The following CSNK2A2 variants were observed in gnomAD, a reference collection of about 807,000 sequenced individuals.
CSNK2A2 encodes the protein casein kinase II subunit alpha'.
Under a neutral mutation model 54.0 loss-of-function variants are expected in CSNK2A2, and 8 were observed. The observed-to-expected ratio is 0.15, with a 90% CI of 0.09 to 0.27. The LOEUF is 0.27. Among genes scored for constraint, CSNK2A2 ranks in the 10% least tolerant of loss-of-function variants. The probability of loss-of-function intolerance (pLI) is 1.00; values close to 1 mark genes in which losing one functional copy is unlikely to be tolerated. For missense variants in CSNK2A2, 242 were observed against 439.4 expected, an observed-to-expected ratio of 0.55 and a Z score of 4.02; for synonymous variants, 141 against 153.9, an observed-to-expected ratio of 0.92 and a Z score of 0.62.
At position 58,197,977 on chromosome 16, in the gene CSNK2A2, G is replaced by GGCGCTC. The variant is rs1962521420; in HGVS notation, c.-247_-242dup. On this transcript the variant is annotated 5_prime_UTR_variant, in exon 1 of 12. Coordinates refer to ENST00000262506, the MANE Select transcript of CSNK2A2 (RefSeq NM_001896.4). This position sits in a 1 kb window ranked among gnomAD's most constrained non-coding sequence, Gnocchi z 4.0. ...CGGCCGGCGGGGCGGCGGGGCGGGCGGCGCTCGCGCTCCGCGGCGGTCTCC... is the reference window on the plus strand; with the variant it reads ...CGGCCGGCGGGGCGGCGGGGCGGGCGGCGCTCGCGCTCGCGCTCCGCGGCGGTCTCC... The GGCGCTC allele has an allele frequency of 6.9e-6, 1 of 144,986 alleles. No homozygotes were observed. 9.0% of individuals were successfully genotyped at this position (144,986 alleles called of 1,614,324 possible). A position where few individuals can be genotyped will look rare whatever the true frequency, so the allele number is the denominator to read the frequency against.
In CSNK2A2 at chr16:58,197,924, C is replaced by A. The variant is rs1233784037; in HGVS notation, c.-188G>T. The A allele has an allele frequency of 3.6e-5, 5 of 138,342 alleles. No individual in the cohort carries two copies. Among genetic ancestry groups the A allele is most frequent in the African/African-American group, 1.0e-4 (4 of 38,186 alleles). 8.6% of individuals were successfully genotyped at this position (138,342 alleles called of 1,614,324 possible). ...GCGGGCGGGCTGGGGGCGCGGGGGG[C>A]GCCGGCCGAGCCGGCCCGGCCCTGG... On this transcript the variant is annotated 5_prime_UTR_variant, in exon 1 of 12. Coordinates refer to ENST00000262506, the MANE Select transcript of CSNK2A2 (RefSeq NM_001896.4). This position sits in a 1 kb window ranked among gnomAD's most constrained non-coding sequence, Gnocchi z 4.0.
rs1567476103 is a variant in CSNK2A2, at chr16:58,197,463, AGGG to A, written c.104+167_104+169del. On this transcript the variant is annotated intron_variant, in intron 1 of 11. Transcript: ENST00000262506. The surrounding 1 kb of genome is among the most constrained non-coding windows in gnomAD (Gnocchi z 4.0). ...GGAGAAAGGGACGAAACGGGGGTAA[AGGG>A]GAGGGAAGAGGAAGACGAGGACATG... is the stretch of plus-strand genomic sequence containing the variant. 2.0e-5 allele frequency among the ~76,000 whole-genome samples: 3 copies of A among 152,120 alleles called. No homozygotes were observed. The South Asian group carries it at 6.2e-4, about 32-fold the overall frequency.
At chr16:58,175,861 A>G (rs1961863207) in intron 4 of CSNK2A2, among the ~76,000 whole-genome samples, 1 of 152,360 alleles carries the variant, frequency 6.6e-6, no homozygotes, top group African/African-American at 2.4e-5. Flanking sequence ...AGGCCAGTAC[A>G]TGGTGTTGTG....
At chr16:58,194,961 T>C (rs1962397140) in intron 2 of CSNK2A2, among the ~76,000 whole-genome samples, 1 of 152,108 alleles carries the variant, frequency 6.6e-6, no homozygotes, top group South Asian at 2.1e-4. Context: ...CATACACTTA[T>C]TCTAAAAATG....
At chr16:58,191,910 C>G (rs62040364) in intron 2 of CSNK2A2, among the ~76,000 whole-genome samples, 64 of 152,100 alleles carry the variant, frequency 4.2e-4, no homozygotes, top group Non-Finnish European at 8.7e-4. Flanking sequence ...GGAAGGACAC[C>G]AAGGCACAGA....
intron 11 of CSNK2A2, chr16:58,161,641 T>C (rs1961374757): frequency 6.6e-6 from 1 of 151,838 alleles, no homozygotes; most frequent in South Asian, 2.1e-4. Flanking sequence ...GTCTTAAAAT[T>C]TCGGGGGAGC....
chr16:58,196,980 T>C (rs1044065757), intron 1 of CSNK2A2, 136 bp from the exon 2 acceptor site: 3 of 703,652 alleles, frequency 4.3e-6, no homozygotes, highest in Admixed American at 1.9e-5. Context: ...ACTCATTCCC[T>C]AAATGAAAGC....
chr16:58,171,973 ATATATATTTTTTT>A (rs1440094183), intron 5 of CSNK2A2, among the ~76,000 whole-genome samples: 7 of 37,832 alleles, frequency 1.9e-4, no homozygotes, highest in Non-Finnish European at 2.8e-4. Flanking sequence ...ATATATATAT[ATATATATTTTTTT>A]TTTTTTTTTT....
chr16:58,173,895 T>C (rs1256539744), intron 5 of CSNK2A2: 1 of 152,272 alleles, frequency 6.6e-6, no homozygotes, highest in Non-Finnish European at 1.5e-5. Context: ...AAAGTGCCTA[T>C]ACATTGAGGT....
intron 1 of CSNK2A2, 141 bp from the exon 2 acceptor site, chr16:58,196,985 G>A: frequency 1.5e-6 from 1 of 688,400 alleles, no homozygotes; most frequent in South Asian, 1.6e-5. Context: ...TTCCCTAAAT[G>A]AAAGCCACGA....
chr16:58,168,589 G>A, intron 6 of CSNK2A2, 21 bp downstream of exon 6: 1 of 1,604,056 alleles, frequency 6.2e-7, no homozygotes, highest in Non-Finnish European at 8.5e-7. Context: ...CAAGCTTGTT[G>A]CTGCCTGGCT....
At chr16:58,173,523 A>G (rs139919753) in intron 5 of CSNK2A2, among the ~76,000 whole-genome samples, 90 of 152,322 alleles carry the variant, frequency 5.9e-4, no homozygotes, top group African/African-American at 2.0e-3. Flanking sequence ...TTAAGTGCTT[A>G]TCTAGACAAA....
At chr16:58,178,073 T>C (rs1961926725) in intron 4 of CSNK2A2, among the ~76,000 whole-genome samples, 1 of 152,176 alleles carries the variant, frequency 6.6e-6, no homozygotes, top group Admixed American at 6.5e-5. Flanking sequence ...AGGAAACTAT[T>C]TAGTCTGTAA....
intron 3 of CSNK2A2, among the ~76,000 whole-genome samples, chr16:58,184,579 G>A (rs1416534788): frequency 2.0e-5 from 3 of 152,224 alleles, no homozygotes; most frequent in African/African-American, 7.2e-5. Flanking sequence ...GTTGGGTCAT[G>A]TGTGAGGGAA....
chr16:58,168,802 G>A (rs1004547291), intron 5 of CSNK2A2, 109 bp from the exon 6 acceptor site: 11 of 811,752 alleles, frequency 1.4e-5, no homozygotes, highest in Admixed American at 8.0e-5. Flanking sequence ...GTCCCCCAAC[G>A]GGCAGCTTGC....
intron 11 of CSNK2A2, chr16:58,163,358 C>T (rs1961453093): frequency 6.6e-6 from 1 of 150,554 alleles, no homozygotes; most frequent in African/African-American, 2.4e-5. Context: ...AAGTTATGCA[C>T]TTAGCATGGA....
intron 9 of CSNK2A2, among the ~76,000 whole-genome samples, chr16:58,166,238 AAAATAAAATAT>A (rs2142410742): frequency 6.6e-6 from 1 of 152,364 alleles, no homozygotes; most frequent in East Asian, 1.9e-4. Context: ...TGAAGTAAAT[AAAATAAAATAT>A]AATAAAAAAC....
intron 3 of CSNK2A2, among the ~76,000 whole-genome samples, chr16:58,184,869 T>C (rs1423144943): frequency 6.6e-6 from 1 of 152,152 alleles, no homozygotes; most frequent in Non-Finnish European, 1.5e-5. Flanking sequence ...AATATAACCA[T>C]CCGTGATATT....
intron 3 of CSNK2A2, among the ~76,000 whole-genome samples, chr16:58,186,019 A>G (rs1962185482): frequency 6.6e-6 from 1 of 152,220 alleles, no homozygotes. Context: ...TAATAAACAA[A>G]ACTATCATGG....
Sources: allele counts gnomAD v4.1 joint callset (sites outside exome capture counted in the v4.1 genomes callset), GRCh38; gene constraint gnomAD v4.1.1; non-coding constraint Gnocchi (gnomAD v3.1); transcripts MANE v1.5; gene names NCBI Gene and HGNC (gene_info 2026-07-23, HGNC 2026-07-21).